The following UBE2K variants were observed in gnomAD, a reference collection of about 807,000 sequenced individuals.
UBE2K encodes ubiquitin conjugating enzyme E2 K.
Under a neutral mutation model 30.0 loss-of-function variants are expected in UBE2K, and 6 were observed. That is an observed-to-expected ratio of 0.20 (90% CI 0.11 to 0.39). The LOEUF (loss-of-function observed/expected upper bound fraction) is 0.39, where lower values mean the gene tolerates loss of function less well. Among genes scored for constraint, UBE2K ranks in the 10% least tolerant of loss-of-function variants. The probability of loss-of-function intolerance (pLI) is 1.00; values close to 1 mark genes in which losing one functional copy is unlikely to be tolerated. For missense variants in UBE2K, 61 were observed against 241.6 expected (o/e 0.25, Z 4.96); for synonymous variants, 86 against 83.7 (o/e 1.03, Z -0.15).
chr4:39,728,725 G>A lies in UBE2K; in HGVS notation c.64-8695G>A, dbSNP rs1262966877. Among the ~76,000 whole-genome samples the A allele has an allele frequency of 2.6e-5, 4 of 151,412 alleles. 1 individual carries two copies. The highest frequency in any genetic ancestry group is 1.9e-4 in the East Asian group (1 of 5,164). ...GCGATCTCGGCTCACTGCAAGCTCC[G>A]CCTCCTGGGTTCACGCCATTCTCCT... On this transcript the variant is annotated intron_variant, in intron 1 of 6. Coordinates refer to ENST00000261427, the MANE Select transcript of UBE2K (RefSeq NM_005339.5).
chr4:39,772,431 T>C (rs1286283206), intron 4 of UBE2K, among the ~76,000 whole-genome samples: 1 of 150,132 alleles, frequency 6.7e-6, no homozygotes, highest in Non-Finnish European at 1.5e-5. Context: ...TTTAATTAGC[T>C]GGGCGTGGTG....
chr4:39,728,764 G>A (rs1020857008), intron 1 of UBE2K, among the ~76,000 whole-genome samples: 1 of 151,478 alleles, frequency 6.6e-6, no homozygotes, highest in Non-Finnish European at 1.5e-5. Flanking sequence ...TCAGCCTCCG[G>A]AGTAGCTGGG....
At chr4:39,747,466 A>G (rs1721039373) in intron 3 of UBE2K, among the ~76,000 whole-genome samples, 2 of 152,226 alleles carry the variant, frequency 1.3e-5, no homozygotes, top group South Asian at 4.1e-4. Flanking sequence ...TGTCTGGCTT[A>G]TATCACCTAG....
intron 4 of UBE2K, among the ~76,000 whole-genome samples, chr4:39,768,756 G>A (rs567619097): frequency 2.0e-5 from 3 of 152,332 alleles, no homozygotes; most frequent in African/African-American, 7.2e-5. Context: ...CCCACCAGCA[G>A]TGTGCGAGGG....
chr4:39,779,851 G>A lies in UBE2K; in HGVS notation c.*1417G>A, dbSNP rs190114896. ...GTATATTGAAAGTCATATTATAAAA[G>A]GTTTGCTTTCTTTAAGTGTTATTTA... On this transcript the variant is annotated 3_prime_UTR_variant, in exon 7 of 7. Coordinates refer to ENST00000261427, the MANE Select transcript of UBE2K (RefSeq NM_005339.5). The A allele has an allele frequency of 5.8e-4, 88 of 152,086 alleles. No homozygotes were observed. The highest frequency in any genetic ancestry group is 2.0e-3 in the African/African-American group (85 of 41,506). 9.4% of individuals were successfully genotyped at this position (152,086 alleles called of 1,614,324 possible). A position where few individuals can be genotyped will look rare whatever the true frequency, so the allele number is the denominator to read the frequency against.
At chr4:39,749,502 AAAACT>A (rs1289186509) in intron 3 of UBE2K, among the ~76,000 whole-genome samples, 4 of 122,450 alleles carry the variant, frequency 3.3e-5, no homozygotes, top group Non-Finnish European at 6.8e-5. Flanking sequence ...AAAAATGCCA[AAAACT>A]AAACAAAACA....
chr4:39,771,271 G>C, intron 4 of UBE2K: 3 of 1,611,764 alleles, frequency 1.9e-6, no homozygotes, highest in Non-Finnish European at 2.5e-6. Context: ...CCGCAGGAAC[G>C]GTGAGCAGGC....
intron 1 of UBE2K, among the ~76,000 whole-genome samples, chr4:39,712,195 CTTTTTTTTTT>C (rs34711359): frequency 1.7e-5 from 1 of 58,310 alleles, no homozygotes. Flanking sequence ...CACCGACAAC[CTTTTTTTTTT>C]TTTTTTTTTT....
chr4:39,740,706 C>CA (rs1389932293), intron 2 of UBE2K, among the ~76,000 whole-genome samples: 1 of 143,294 alleles, frequency 7.0e-6, no homozygotes, highest in African/African-American at 2.6e-5. Context: ...ACTAAAAATA[C>CA]AAAAAAATTA....
At chr4:39,754,326 T>C (rs185567928) in intron 3 of UBE2K, among the ~76,000 whole-genome samples, 42 of 152,242 alleles carry the variant, frequency 2.8e-4, no homozygotes, top group African/African-American at 9.4e-4. Flanking sequence ...AATGAAGGAA[T>C]GGAAAGTATC....
intron 4 of UBE2K, among the ~76,000 whole-genome samples, chr4:39,761,866 T>C (rs1043681043): frequency 6.6e-6 from 1 of 152,100 alleles, no homozygotes; most frequent in South Asian, 2.1e-4. Flanking sequence ...TATTCATTTT[T>C]TTTTTTTAAA....
intron 1 of UBE2K, among the ~76,000 whole-genome samples, chr4:39,709,098 T>C (rs1422971365): frequency 6.6e-6 from 1 of 152,012 alleles, no homozygotes; most frequent in Non-Finnish European, 1.5e-5. Flanking sequence ...ACTGGCTCTG[T>C]ATCTCGATTT....
At chr4:39,719,626 C>G (rs1719310592) in intron 1 of UBE2K, among the ~76,000 whole-genome samples, 1 of 152,288 alleles carries the variant, frequency 6.6e-6, no homozygotes, top group Non-Finnish European at 1.5e-5. Context: ...TCTATGTACT[C>G]TTTTCTCTCA....
At chr4:39,768,761 C>CGAGG (rs1712526725) in intron 4 of UBE2K, among the ~76,000 whole-genome samples, 1 of 152,274 alleles carries the variant, frequency 6.6e-6, no homozygotes, top group South Asian at 2.1e-4. Flanking sequence ...CAGCAGTGTG[C>CGAGG]GAGGGTTTCC....
chr4:39,724,137 T>C (rs75113954), intron 1 of UBE2K, among the ~76,000 whole-genome samples: 2 of 111,498 alleles, frequency 1.8e-5, no homozygotes, highest in East Asian at 5.6e-4. Context: ...TTTTTTTTTT[T>C]AATTGTTGTC....
At chr4:39,708,574 A>G (rs772552825) in intron 1 of UBE2K, among the ~76,000 whole-genome samples, 39 of 152,090 alleles carry the variant, frequency 2.6e-4, no homozygotes, top group Non-Finnish European at 5.1e-4. Context: ...AGATGTGAGT[A>G]TATATTATGT....
intron 4 of UBE2K, among the ~76,000 whole-genome samples, chr4:39,760,623 C>T (rs576132920): frequency 6.6e-5 from 10 of 152,136 alleles, no homozygotes; most frequent in African/African-American, 2.4e-4. Context: ...GATAGCCCAG[C>T]GCAGTGGCTC....
At chr4:39,754,420 A>C (rs938054025) in intron 3 of UBE2K, among the ~76,000 whole-genome samples, 1 of 152,198 alleles carries the variant, frequency 6.6e-6, no homozygotes, top group African/African-American at 2.4e-5. Flanking sequence ...AGGAAGTAGA[A>C]ATAGGTAGTG....
At chr4:39,763,663 A>T (rs921677933) in intron 4 of UBE2K, among the ~76,000 whole-genome samples, 1 of 152,232 alleles carries the variant, frequency 6.6e-6, no homozygotes, top group Non-Finnish European at 1.5e-5. Flanking sequence ...CCCAGGCTCC[A>T]CCGCCAACAC....
Sources: gnomAD v4.1 joint callset for allele counts (sites outside exome capture counted in the v4.1 genomes callset) on GRCh38, gnomAD v4.1.1 for gene constraint, MANE v1.5 for transcripts, NCBI Gene and HGNC (gene_info 2026-07-23, HGNC 2026-07-21) for gene names.